The following SLC35F3 variants were observed in gnomAD, a reference collection of about 807,000 sequenced individuals.
SLC35F3 encodes solute carrier family 35 member F3.
Under a neutral mutation model 49.9 loss-of-function variants are expected in SLC35F3, and 25 were observed. That is an observed-to-expected ratio of 0.50 (90% confidence interval 0.37 to 0.70). The LOEUF (loss-of-function observed/expected upper bound fraction) is 0.70, where lower values mean the gene tolerates loss of function less well. Among genes scored for constraint, SLC35F3 ranks in the 30% least tolerant of loss-of-function variants. The pLI is 0.00. For synonymous variants in SLC35F3, 275 were observed against 265.4 expected, an observed-to-expected ratio of 1.04 and a Z score of -0.35; for missense variants, 525 against 639.8, an observed-to-expected ratio of 0.82 and a Z score of 1.94.
intron 3 of SLC35F3, among the ~76,000 whole-genome samples, chr1:234,256,790 C>T (rs746163194): frequency 2.5e-4 from 38 of 152,200 alleles, no homozygotes; most frequent in African/African-American, 9.2e-4. Context: ...CGTGACTGCT[C>T]CTATTGCTTA....
At chr1:233,905,803 C>A in intron 2 of SLC35F3, 45 bp downstream of exon 2, 1 of 1,532,522 alleles carries the variant, frequency 6.5e-7, no homozygotes, top group African/African-American at 1.4e-5. Context: ...GGTCCATCTT[C>A]TTACCATTGT....
intron 2 of SLC35F3, among the ~76,000 whole-genome samples, chr1:234,142,416 A>G (rs528757465): frequency 3.3e-5 from 5 of 152,306 alleles, no homozygotes; most frequent in South Asian, 4.1e-4. Flanking sequence ...CTGGGAGACT[A>G]GGAATAGAGC....
At chr1:234,220,004 C>G (rs1048827869) in intron 2 of SLC35F3, among the ~76,000 whole-genome samples, 3 of 152,070 alleles carry the variant, frequency 2.0e-5, no homozygotes, top group Non-Finnish European at 2.9e-5. Flanking sequence ...TCAGAAGAAG[C>G]AGGAGGAGGG....
At chr1:234,106,247 G>A (rs1216466672) in intron 2 of SLC35F3, among the ~76,000 whole-genome samples, 3 of 152,202 alleles carry the variant, frequency 2.0e-5, no homozygotes, top group Non-Finnish European at 2.9e-5. Flanking sequence ...CCAGTTCTGG[G>A]CAACAAGCCA....
rs1337588085 is a variant in SLC35F3, at chr1:234,323,116, T to C, written c.1346T>C (p.Val449Ala). The C allele has an allele frequency of 6.2e-7, 1 of 1,613,986 alleles. No individual in the cohort carries two copies. The highest frequency in any genetic ancestry group is 8.5e-7 in the Non-Finnish European group (1 of 1,180,016). ...LLLLLPEEWD[V>A]WLIKLLTRLK... is the part of the protein sequence containing the mutation. Reference sequence around the variant, plus strand: ...CTGCTCCTGCCAGAGGAGTGGGATGTCTGGTTGATCAAGCTGCTCACCCGA... The same window carrying C: ...CTGCTCCTGCCAGAGGAGTGGGATGCCTGGTTGATCAAGCTGCTCACCCGA... Residue 449 changes from valine (V) to alanine (A), a missense_variant, in exon 8 of 8, where the codon GTC becomes GCC. By Grantham distance (64) the Val-to-Ala change is moderately conservative. This residue lies in a region of SLC35F3 where 76 missense variants were observed against 95.6 expected (regional missense o/e 0.80). Coordinates refer to ENST00000366618, the MANE Select transcript of SLC35F3 (RefSeq NM_173508.4). This position sits in a 1 kb window ranked among gnomAD's most constrained non-coding sequence, Gnocchi z 4.5.
At chr1:234,233,842 TTG>T (rs1176825388) in intron 3 of SLC35F3, among the ~76,000 whole-genome samples, 2 of 140,396 alleles carry the variant, frequency 1.4e-5, no homozygotes, top group Admixed American at 1.4e-4. Context: ...TTTAAAAAAG[TTG>T]TTTTGTTTTG....
At chr1:234,018,082 G>C (rs1044256942) in intron 2 of SLC35F3, among the ~76,000 whole-genome samples, 2 of 152,046 alleles carry the variant, frequency 1.3e-5, no homozygotes, top group African/African-American at 4.8e-5. Context: ...AGAAGGCAGA[G>C]GCCTTCTTTG....
intron 2 of SLC35F3, among the ~76,000 whole-genome samples, chr1:234,210,227 A>G (rs1318534147): frequency 6.6e-6 from 1 of 152,184 alleles, no homozygotes; most frequent in Non-Finnish European, 1.5e-5. Context: ...GCTACATGGA[A>G]ATATAAGTCC....
At chr1:234,013,048 A>G (rs1406504983) in intron 2 of SLC35F3, among the ~76,000 whole-genome samples, 3 of 152,220 alleles carry the variant, frequency 2.0e-5, no homozygotes, top group East Asian at 1.9e-4. Flanking sequence ...TCTCAAGCAC[A>G]CATGAAACAT....
At chr1:234,280,952 T>C (rs1668315234) in intron 3 of SLC35F3, among the ~76,000 whole-genome samples, 1 of 152,162 alleles carries the variant, frequency 6.6e-6, no homozygotes, top group Admixed American at 6.5e-5. Flanking sequence ...GGCTCCCATA[T>C]GAAGGGCTGC....
intron 2 of SLC35F3, among the ~76,000 whole-genome samples, chr1:233,906,322 T>G (rs1360527790): frequency 6.6e-6 from 1 of 152,120 alleles, no homozygotes; most frequent in Non-Finnish European, 1.5e-5. Flanking sequence ...TAGATAGTGG[T>G]GTTGGTCCCT....
intron 2 of SLC35F3, among the ~76,000 whole-genome samples, chr1:233,975,945 G>A (rs1299277969): frequency 2.6e-5 from 4 of 152,174 alleles, no homozygotes; most frequent in Non-Finnish European, 5.9e-5. Flanking sequence ...TGTTTTATAT[G>A]TGCGTGAGTT....
chr1:234,190,638 G>A (rs1007560092), intron 2 of SLC35F3, among the ~76,000 whole-genome samples: 4 of 152,214 alleles, frequency 2.6e-5, no homozygotes, highest in African/African-American at 9.6e-5. Context: ...ATATTCCACT[G>A]ACAGCACTAG....
At chr1:233,912,482 CAAACAAACAAAG>C (rs140036715) in intron 2 of SLC35F3, among the ~76,000 whole-genome samples, 54 of 120,762 alleles carry the variant, frequency 4.5e-4, no homozygotes, top group Non-Finnish European at 8.9e-4. Flanking sequence ...ATCACAAAAA[CAAACAAACAAAG>C]AAACAAACAA....
intron 2 of SLC35F3, among the ~76,000 whole-genome samples, chr1:234,004,511 G>A (rs1663600703): frequency 6.6e-6 from 1 of 152,238 alleles, no homozygotes; most frequent in Admixed American, 6.5e-5. Context: ...GGGGTGATAA[G>A]GGGAGTGGGA....
intron 3 of SLC35F3, among the ~76,000 whole-genome samples, chr1:234,243,018 G>C (rs1188161741): frequency 6.6e-6 from 1 of 152,140 alleles, no homozygotes; most frequent in Admixed American, 6.5e-5. Context: ...ATTAGTGGGG[G>C]AGTAGGGGGA....
intron 2 of SLC35F3, among the ~76,000 whole-genome samples, chr1:234,107,397 T>A (rs1183380527): frequency 6.6e-6 from 1 of 152,182 alleles, no homozygotes; most frequent in Non-Finnish European, 1.5e-5. Context: ...ATTTCAGCTA[T>A]TATGTTAAGC....
intron 3 of SLC35F3, among the ~76,000 whole-genome samples, chr1:234,303,221 T>C (rs1243267381): frequency 6.6e-6 from 1 of 152,244 alleles, no homozygotes; most frequent in Non-Finnish European, 1.5e-5. Context: ...CTGTCATTTC[T>C]CCTGCCAACA....
intron 2 of SLC35F3, among the ~76,000 whole-genome samples, chr1:233,979,142 A>G (rs976544749): frequency 6.6e-6 from 1 of 152,142 alleles, no homozygotes; most frequent in East Asian, 1.9e-4. Context: ...AGGCCAGTCC[A>G]CAGAACGTGG....
Sources: gnomAD v4.1 joint callset for allele counts (sites outside exome capture counted in the v4.1 genomes callset) on GRCh38, gnomAD v4.1.1 for gene constraint, gnomAD v4.1.1 regional missense constraint, Gnocchi (gnomAD v3.1) non-coding constraint, MANE v1.5 for transcripts, NCBI Gene and HGNC (gene_info 2026-07-23, HGNC 2026-07-21) for gene names.